Variants in UBE2E2 observed in about 807,000 individuals in gnomAD.
UBE2E2 encodes the protein ubiquitin-conjugating enzyme E2 E2.
Under a neutral mutation model 24.7 loss-of-function variants are expected in UBE2E2, and 6 were observed. The ratio of observed to expected loss-of-function variants is 0.24; its 90% CI spans 0.13 to 0.48. The LOEUF is 0.48. UBE2E2 is among the 20% of genes least tolerant of loss of function. UBE2E2 has a pLI of 0.99. For synonymous variants in UBE2E2, 104 were observed against 83.6 expected (o/e 1.24, Z -1.33); for missense variants, 169 against 245.0 (o/e 0.69, Z 2.07).
chr3:23,578,234 T>C (rs570578059), intron 5 of UBE2E2, among the ~76,000 whole-genome samples: 53 of 152,160 alleles, frequency 3.5e-4, no homozygotes, highest in African/African-American at 1.3e-3. Flanking sequence ...CAATGAGATA[T>C]CATCTCATGC....
intron 3 of UBE2E2, among the ~76,000 whole-genome samples, chr3:23,371,255 T>A (rs997201009): frequency 2.0e-5 from 3 of 152,090 alleles, no homozygotes; most frequent in African/African-American, 7.2e-5. Context: ...GGTCTTGAAC[T>A]CCAGACCTCA....
chr3:23,374,978 ACC>A (rs1696485719), intron 3 of UBE2E2, among the ~76,000 whole-genome samples: 1 of 152,062 alleles, frequency 6.6e-6, no homozygotes, highest in Non-Finnish European at 1.5e-5. Flanking sequence ...ATTATTACAT[ACC>A]TTAAAAGCCA....
chr3:23,350,437 C>T (rs1046387038), intron 3 of UBE2E2, among the ~76,000 whole-genome samples: 7 of 152,048 alleles, frequency 4.6e-5, no homozygotes, highest in Admixed American at 2.6e-4. Context: ...CAAACTACTC[C>T]GAGCTACAGG....
chr3:23,336,702 G>GTTT (rs1695222360), intron 3 of UBE2E2, among the ~76,000 whole-genome samples: 1 of 152,174 alleles, frequency 6.6e-6, no homozygotes, highest in Admixed American at 6.5e-5. Context: ...ATCCAATACT[G>GTTT]TAATGAACTT....
chr3:23,350,743 A>G (rs1196712127), intron 3 of UBE2E2, among the ~76,000 whole-genome samples: 1 of 152,230 alleles, frequency 6.6e-6, no homozygotes, highest in Admixed American at 6.5e-5. Flanking sequence ...ATGTGAAAAG[A>G]CCAAATCTAC....
intron 3 of UBE2E2, among the ~76,000 whole-genome samples, chr3:23,296,048 G>A (rs917209201): frequency 2.6e-5 from 4 of 152,154 alleles, no homozygotes; most frequent in African/African-American, 9.7e-5. Context: ...CTAAATAGAA[G>A]ATAGAGATCT....
intron 1 of UBE2E2, chr3:23,204,761 G>A (rs980786115): frequency 1.0e-6 from 1 of 985,164 alleles, no homozygotes; most frequent in Non-Finnish European, 1.2e-6. Flanking sequence ...TTTAAAGCTG[G>A]ATATTGCTGT....
At chr3:23,362,807 C>T (rs1345463367) in intron 3 of UBE2E2, among the ~76,000 whole-genome samples, 1 of 152,166 alleles carries the variant, frequency 6.6e-6, no homozygotes, top group African/African-American at 2.4e-5. Context: ...GCAATGCCTG[C>T]TAGAACTTCT....
At chr3:23,506,136 T>C (rs1269527113) in intron 4 of UBE2E2, among the ~76,000 whole-genome samples, 2 of 152,372 alleles carry the variant, frequency 1.3e-5, no homozygotes, top group Admixed American at 6.5e-5. Flanking sequence ...TACCCATTCA[T>C]TTACTCCAGC....
intron 5 of UBE2E2, among the ~76,000 whole-genome samples, chr3:23,580,844 TA>T (rs1289688291): frequency 6.6e-6 from 1 of 152,228 alleles, no homozygotes; most frequent in Non-Finnish European, 1.5e-5. Context: ...GAGCAGGGCT[TA>T]TTTTTTTATT....
At chr3:23,251,214 G>A (rs977890527) in intron 3 of UBE2E2, among the ~76,000 whole-genome samples, 1 of 152,138 alleles carries the variant, frequency 6.6e-6, no homozygotes, top group African/African-American at 2.4e-5. Flanking sequence ...GAAATGATCA[G>A]TAAACTTGCT....
At chr3:23,256,420 C>A (rs895262087) in intron 3 of UBE2E2, among the ~76,000 whole-genome samples, 2 of 152,040 alleles carry the variant, frequency 1.3e-5, no homozygotes, top group Non-Finnish European at 2.9e-5. Context: ...ACAAAGTATA[C>A]GTGTGTGTAT....
At chr3:23,425,064 G>A (rs888096408) in intron 3 of UBE2E2, among the ~76,000 whole-genome samples, 3 of 152,114 alleles carry the variant, frequency 2.0e-5, no homozygotes, top group African/African-American at 4.8e-5. Flanking sequence ...ACAGGGAATC[G>A]TGTTTTAACT....
intron 5 of UBE2E2, among the ~76,000 whole-genome samples, chr3:23,557,507 C>T (rs908797083): frequency 1.3e-4 from 20 of 152,170 alleles, no homozygotes; most frequent in Admixed American, 1.3e-3. Context: ...TGCTTCCTCA[C>T]ACTGGGACAG....
chr3:23,405,998 T>A (rs913589773), intron 3 of UBE2E2, among the ~76,000 whole-genome samples: 9 of 152,212 alleles, frequency 5.9e-5, no homozygotes, highest in Non-Finnish European at 1.2e-4. Flanking sequence ...CTAATGACAT[T>A]TTTCTCCATG....
At chr3:23,507,713 C>G (rs947269491) in intron 4 of UBE2E2, among the ~76,000 whole-genome samples, 1 of 152,104 alleles carries the variant, frequency 6.6e-6, no homozygotes, top group Admixed American at 6.5e-5. Context: ...AATACTTGTT[C>G]CTGGATTATA....
At chr3:23,470,450 T>A (rs1226386368) in intron 3 of UBE2E2, among the ~76,000 whole-genome samples, 2 of 152,176 alleles carry the variant, frequency 1.3e-5, no homozygotes, top group Admixed American at 1.3e-4. Flanking sequence ...GCACTAACAT[T>A]TAGGATTTTG....
At chr3:23,545,277 C>T (rs146377073) in intron 5 of UBE2E2, among the ~76,000 whole-genome samples, 11,931 of 152,192 alleles carry the variant, frequency 0.078, 584 homozygotes, top group Non-Finnish European at 0.087. Context: ...CAGACTGTCA[C>T]ATGGAGAGAA....
chr3:23,392,523 G>C (rs1207958438), intron 3 of UBE2E2, among the ~76,000 whole-genome samples: 2 of 152,064 alleles, frequency 1.3e-5, no homozygotes, highest in Non-Finnish European at 2.9e-5. Context: ...ACAGGAAGAA[G>C]AAGAGGGAGG....
Sources: allele counts gnomAD v4.1 joint callset (sites outside exome capture counted in the v4.1 genomes callset), GRCh38; gene constraint gnomAD v4.1.1; transcripts MANE v1.5; gene names NCBI Gene and HGNC (gene_info 2026-07-23, HGNC 2026-07-21).